The following REV3L variants were observed in gnomAD, a reference collection of about 807,000 sequenced individuals.
REV3L encodes the protein DNA polymerase zeta catalytic subunit.
REV3L carries 69 observed loss-of-function variants against 299.4 expected under a neutral mutation model. That is an observed-to-expected ratio of 0.23 (90% CI 0.19 to 0.28). The LOEUF (loss-of-function observed/expected upper bound fraction) is 0.28, where lower values mean the gene tolerates loss of function less well. Among genes scored for constraint, REV3L ranks in the 10% least tolerant of loss-of-function variants. The pLI, the probability that REV3L is intolerant of heterozygous loss-of-function variation, is 1.00. For synonymous variants in REV3L, 1,238 were observed against 1,271.4 expected (o/e 0.97, Z 0.56); for missense variants, 3,128 against 3,693.8 (o/e 0.85, Z 3.97).
At chr6:111,423,541 T>A (rs528922301) in intron 1 of REV3L, among the ~76,000 whole-genome samples, 1 of 151,972 alleles carries the variant, frequency 6.6e-6, no homozygotes, top group East Asian at 1.9e-4. Flanking sequence ...AAAAACAGTG[T>A]GTGTGTGTGT....
intron 21 of REV3L, 56 bp from the exon 22 acceptor site, chr6:111,335,666 A>G: frequency 6.5e-7 from 1 of 1,535,580 alleles, no homozygotes. Flanking sequence ...ACACTTGAAA[A>G]CAGTACTTTT....
At chr6:111,339,375 G>A (rs532582561) in intron 21 of REV3L, among the ~76,000 whole-genome samples, 9 of 152,022 alleles carry the variant, frequency 5.9e-5, no homozygotes, top group African/African-American at 1.4e-4. Context: ...CCAAATAAAC[G>A]AAAACATGAT....
At chr6:111,424,768 G>T (rs1359091599) in intron 1 of REV3L, among the ~76,000 whole-genome samples, 6 of 152,136 alleles carry the variant, frequency 3.9e-5, no homozygotes, top group Non-Finnish European at 8.8e-5. Flanking sequence ...TTGAAGAAGG[G>T]CTCACACTAT....
chr6:111,452,991 C>T (rs1356742608), intron 1 of REV3L, among the ~76,000 whole-genome samples: 1 of 152,002 alleles, frequency 6.6e-6, no homozygotes, highest in African/African-American at 2.4e-5. Context: ...TCATTCTTTA[C>T]ATATTTTAAT....
chr6:111,366,221 G>A (rs914916553), intron 14 of REV3L, among the ~76,000 whole-genome samples: 4 of 152,104 alleles, frequency 2.6e-5, no homozygotes, highest in African/African-American at 9.7e-5. Flanking sequence ...GAATGTATGC[G>A]GTGAGATCAT....
chr6:111,357,180 CATAAT>C, intron 17 of REV3L, 55 bp from the exon 18 acceptor site: 2 of 607,000 alleles, frequency 3.3e-6, no homozygotes, highest in South Asian at 5.3e-5. Context: ...AATATACCTT[CATAAT>C]ATAAAAGTAA....
chr6:111,375,182 T>C lies in REV3L; in HGVS notation c.3173A>G (p.Lys1058Arg), dbSNP rs764677784. 1.9e-6 allele frequency: 3 copies of C among 1,609,652 alleles called. No homozygotes were observed. In the African/African-American group the frequency reaches 4.0e-5, roughly 22 times the overall value. ...ATTTGTCCTTTGTTGTTTACCAGTT[T>C]TTTTCTTAGCAGATTTATGTTTTGA... ...RKSKHKSAKK[K>R]TGKQQRTNNE... Residue 1058 changes from lysine (K) to arginine (R), a missense_variant, in exon 13 of 32, where the codon AAA becomes AGA. Lys to Arg is a conservative substitution (Grantham distance 26). Around this residue, in one of 9 missense-constraint regions of REV3L, gnomAD observed 2,409 missense variants for 2,611.8 expected, o/e 0.92. Transcript: ENST00000368802.
At chr6:111,441,828 T>C (rs1788295496) in intron 1 of REV3L, among the ~76,000 whole-genome samples, 1 of 152,210 alleles carries the variant, frequency 6.6e-6, no homozygotes, top group Admixed American at 6.5e-5. Context: ...TGTAATCTTC[T>C]GTTATTATAC....
At chr6:111,324,609 C>T (rs941923199) in intron 25 of REV3L, among the ~76,000 whole-genome samples, 4 of 152,096 alleles carry the variant, frequency 2.6e-5, no homozygotes, top group Non-Finnish European at 5.9e-5. Context: ...CTTACTCTGG[C>T]GCATTTAAGT....
chr6:111,370,332 A>C (rs1249576774), intron 13 of REV3L, among the ~76,000 whole-genome samples: 1 of 152,182 alleles, frequency 6.6e-6, no homozygotes, highest in African/African-American at 2.4e-5. Flanking sequence ...TCTAAAGAAC[A>C]GATTTCATAT....
At chr6:111,301,506 A>C (rs1011524162) in intron 31 of REV3L, among the ~76,000 whole-genome samples, 2 of 141,672 alleles carry the variant, frequency 1.4e-5, no homozygotes, top group Non-Finnish European at 3.1e-5. Flanking sequence ...GTAAAATTTC[A>C]AAAAAAAAAA....
chr6:111,473,205 C>G (rs1023837171), intron 1 of REV3L, among the ~76,000 whole-genome samples: 1 of 147,568 alleles, frequency 6.8e-6, no homozygotes, highest in Non-Finnish European at 1.5e-5. Flanking sequence ...CCTATTTAGA[C>G]TTGAATCATT....
At chr6:111,447,050 C>T (rs1247670588) in intron 1 of REV3L, among the ~76,000 whole-genome samples, 1 of 152,102 alleles carries the variant, frequency 6.6e-6, no homozygotes, top group Non-Finnish European at 1.5e-5. Context: ...TCCTGAGCTT[C>T]GGTGTTTTTT....
chr6:111,380,237 T>G lies in REV3L; in HGVS notation c.1217-18A>C. On this transcript the variant is annotated intron_variant, in intron 10 of 31. Coordinates refer to ENST00000368802, the MANE Select transcript of REV3L (RefSeq NM_001372078.1). ...ACTGTCCACTATAAAACAAGTACAA[T>G]AATCACCAACAAATAAGTTTTCTTT... 1 of 1,511,452 alleles carries G rather than the reference T, an allele frequency of 6.6e-7. No individual in the cohort carries two copies. The highest frequency in any genetic ancestry group is 2.3e-5 in the East Asian group (1 of 44,352). The allele number at this position is 1,511,452 out of a possible 1,614,324, so 93.6% of individuals were successfully genotyped here. A position where few individuals can be genotyped will look rare whatever the true frequency, so the allele number is the denominator to read the frequency against.
At chr6:111,472,226 T>A in intron 1 of REV3L, 1 of 704,420 alleles carries the variant, frequency 1.4e-6, no homozygotes, top group Non-Finnish European at 2.0e-6. Context: ...TTTTCACATA[T>A]CAACATGTAT....
chr6:111,360,468 A>ATTTTTTTTTTTTTTTTTTTTTTTT (rs1362929978), intron 16 of REV3L, among the ~76,000 whole-genome samples: 1 of 133,452 alleles, frequency 7.5e-6, no homozygotes. Flanking sequence ...TTGTTAAATA[A>ATTTTTTTTTTTTTTTTTTTTTTTT]TCTTTTTTTT....
intron 1 of REV3L, among the ~76,000 whole-genome samples, chr6:111,425,206 C>T (rs145835001): frequency 5.9e-5 from 9 of 152,286 alleles, no homozygotes; most frequent in African/African-American, 2.2e-4. Context: ...TGCCTGTAAT[C>T]CCAGCGTTTT....
In REV3L at chr6:111,392,873, A is replaced by C; in HGVS notation, c.662+3T>G. On this transcript the variant is annotated splice_donor_region_variant and intron_variant, in intron 5 of 31. Coordinates refer to ENST00000368802, the MANE Select transcript of REV3L (RefSeq NM_001372078.1). ...TTTCATTTCCTTTACAACATTAACT[A>C]ACCTTGGTATTTCATCTTGTTCCCA... is the stretch of plus-strand genomic sequence containing the variant. 6.3e-7 allele frequency: 1 copy of C among 1,581,810 alleles called. No individual in the cohort carries two copies. The highest frequency in any genetic ancestry group is 8.7e-7 in the Non-Finnish European group (1 of 1,150,878).
intron 7 of REV3L, 141 bp downstream of exon 7, chr6:111,388,965 A>G (rs1781622083): frequency 3.3e-6 from 2 of 610,504 alleles, no homozygotes; most frequent in Non-Finnish European, 5.7e-6. Flanking sequence ...GCTGTACAGC[A>G]ATGACAACAA....
Sources: allele counts gnomAD v4.1 joint callset (sites outside exome capture counted in the v4.1 genomes callset), GRCh38; gene constraint gnomAD v4.1.1; regional missense constraint gnomAD v4.1.1; transcripts MANE v1.5; gene names NCBI Gene and HGNC (gene_info 2026-07-23, HGNC 2026-07-21).